Variants in STOX2 observed in about 807,000 individuals in gnomAD.
The protein encoded by STOX2 is storkhead box 2.
STOX2 carries 28 observed loss-of-function variants against 60.9 expected under a neutral mutation model. The ratio of observed to expected loss-of-function variants is 0.46; its 90% CI spans 0.34 to 0.63. The LOEUF is 0.63. STOX2 is among the 30% of genes least tolerant of loss of function. The probability of loss-of-function intolerance (pLI) is 0.01; values close to 1 mark genes in which losing one functional copy is unlikely to be tolerated. For synonymous variants in STOX2, 472 were observed against 463.9 expected, an observed-to-expected ratio of 1.02 and a Z score of -0.22; for missense variants, 1,024 against 1,187.7, an observed-to-expected ratio of 0.86 and a Z score of 2.03.
At chr4:183,807,118 G>A (rs538850328) in intron 1 of STOX2, among the ~76,000 whole-genome samples, 78 of 152,078 alleles carry the variant, frequency 5.1e-4, no homozygotes, top group South Asian at 2.7e-3. Context: ...GACTGCAGGC[G>A]ACCACCACCA....
intron 1 of STOX2, among the ~76,000 whole-genome samples, chr4:183,933,771 G>A (rs1264566870): frequency 1.3e-5 from 2 of 152,142 alleles, no homozygotes; most frequent in Non-Finnish European, 1.5e-5. Flanking sequence ...AATTAGAATT[G>A]TAGTATCTCC....
chr4:183,884,683 A>G (rs1364238734), intron 1 of STOX2, among the ~76,000 whole-genome samples: 2 of 152,112 alleles, frequency 1.3e-5, no homozygotes, highest in African/African-American at 2.4e-5. Context: ...ATCCCATCCC[A>G]TTCATACGTT....
intron 1 of STOX2, among the ~76,000 whole-genome samples, chr4:183,963,434 CT>C (rs1276987700): frequency 7.5e-5 from 11 of 147,150 alleles, no homozygotes; most frequent in African/African-American, 7.5e-5. Context: ...TTCTTTTTTT[CT>C]TTTTTTTTTG....
intron 1 of STOX2, among the ~76,000 whole-genome samples, chr4:183,839,514 T>G (rs1223135883): frequency 6.6e-6 from 1 of 152,266 alleles, no homozygotes; most frequent in Non-Finnish European, 1.5e-5. Context: ...GCTCATCCGC[T>G]GTTCCTTTTA....
intron 1 of STOX2, among the ~76,000 whole-genome samples, chr4:183,913,032 C>G (rs540925739): frequency 6.6e-6 from 1 of 152,196 alleles, no homozygotes; most frequent in Admixed American, 6.5e-5. Flanking sequence ...GATGTGGTTG[C>G]TGCAAGTGAA....
rs572897457 is a variant in STOX2 at position 184,011,679 on chromosome 4, C to T, written c.2585+256C>T. 1.4e-6 allele frequency: 2 copies of T among 1,387,344 alleles called. No homozygotes were observed. The highest frequency in any genetic ancestry group is 2.9e-5 in the East Asian group (1 of 34,712). The allele number at this position is 1,387,344 out of a possible 1,614,324, so 85.9% of individuals were successfully genotyped here. A position where few individuals can be genotyped will look rare whatever the true frequency, so the allele number is the denominator to read the frequency against. ...TCAAACTTGCATCAGTCTGATCTAA[C>T]TAAAACCAATATTTCCAGTATTTTT... On this transcript the variant is annotated intron_variant, in intron 3 of 3. Transcript: ENST00000308497. This position sits in a 1 kb window ranked among gnomAD's most constrained non-coding sequence, Gnocchi z 4.4.
intron 1 of STOX2, among the ~76,000 whole-genome samples, chr4:183,971,973 A>G (rs1008438163): frequency 1.3e-5 from 2 of 152,346 alleles, no homozygotes; most frequent in South Asian, 2.1e-4. Flanking sequence ...CCCGAAATCC[A>G]GTAGGTCACA....
chr4:183,909,212 AT>A (rs1464538857), intron 1 of STOX2, among the ~76,000 whole-genome samples: 2 of 152,226 alleles, frequency 1.3e-5, no homozygotes, highest in Non-Finnish European at 2.9e-5. Flanking sequence ...TCCTTTCAAA[AT>A]GTGAGTATTG....
intron 1 of STOX2, among the ~76,000 whole-genome samples, chr4:183,926,860 G>C (rs1019205385): frequency 1.1e-4 from 16 of 152,202 alleles, no homozygotes; most frequent in African/African-American, 3.6e-4. Flanking sequence ...GACCTCAGGT[G>C]ATCTGCCCGC....
chr4:183,984,260 T>C (rs1311295105), intron 1 of STOX2, among the ~76,000 whole-genome samples: 2 of 152,262 alleles, frequency 1.3e-5, no homozygotes, highest in Non-Finnish European at 2.9e-5. Flanking sequence ...GTCCAGATTC[T>C]AGAACAAGTT....
chr4:183,926,912 G>A (rs927910806), intron 1 of STOX2, among the ~76,000 whole-genome samples: 5 of 152,158 alleles, frequency 3.3e-5, no homozygotes, highest in South Asian at 2.1e-4. Context: ...GTGAGCCACC[G>A]GGCCCGACCA....
intron 1 of STOX2, among the ~76,000 whole-genome samples, chr4:183,895,734 G>A (rs1247144912): frequency 1.3e-5 from 2 of 152,150 alleles, no homozygotes; most frequent in Non-Finnish European, 2.9e-5. Flanking sequence ...CATAGCAAGT[G>A]CTCAATAAAC....
upstream of STOX2, among the ~76,000 whole-genome samples, chr4:183,903,543 AG>A (rs1657595054): frequency 6.6e-6 from 1 of 152,186 alleles, no homozygotes; most frequent in South Asian, 2.1e-4. Context: ...CTGTTTGCCC[AG>A]CACCCATCCC....
intron 1 of STOX2, among the ~76,000 whole-genome samples, chr4:183,883,138 C>A (rs1579370882): frequency 6.6e-6 from 1 of 152,044 alleles, no homozygotes; most frequent in East Asian, 1.9e-4. Context: ...TCCCTCCTCC[C>A]CCCAATTATT....
intron 1 of STOX2, among the ~76,000 whole-genome samples, chr4:183,998,411 C>T (rs894295206): frequency 5.9e-5 from 9 of 152,156 alleles, no homozygotes; most frequent in Non-Finnish European, 4.4e-5. Context: ...AACTACAGGC[C>T]GGTGTCTCAG....
chr4:183,978,166 C>A (rs903471272), intron 1 of STOX2, among the ~76,000 whole-genome samples: 8 of 152,134 alleles, frequency 5.3e-5, no homozygotes, highest in Non-Finnish European at 1.2e-4. Flanking sequence ...GTCATAAATT[C>A]TTTGCTTTGA....
intron 1 of STOX2, among the ~76,000 whole-genome samples, chr4:183,914,023 A>G (rs1324887232): frequency 6.6e-6 from 1 of 152,218 alleles, no homozygotes; most frequent in Non-Finnish European, 1.5e-5. Flanking sequence ...AGTAAAATGG[A>G]CATTTAATTA....
intron 1 of STOX2, among the ~76,000 whole-genome samples, chr4:183,837,460 CT>C (rs566348231): frequency 9.2e-4 from 133 of 144,534 alleles, no homozygotes; most frequent in South Asian, 4.9e-3. Context: ...AGAGTCCGTG[CT>C]TTTTTTTTTT....
At chr4:183,973,351 C>A (rs1560913162) in intron 1 of STOX2, among the ~76,000 whole-genome samples, 1 of 152,044 alleles carries the variant, frequency 6.6e-6, no homozygotes, top group Non-Finnish European at 1.5e-5. Context: ...TATAATAGAG[C>A]AAGTTGAATT....
Sources: allele counts gnomAD v4.1 joint callset (sites outside exome capture counted in the v4.1 genomes callset), GRCh38; gene constraint gnomAD v4.1.1; non-coding constraint Gnocchi (gnomAD v3.1); transcripts MANE v1.5; gene names NCBI Gene and HGNC (gene_info 2026-07-23, HGNC 2026-07-21).